The following KIF16B variants were observed in gnomAD, a reference collection of about 807,000 sequenced individuals.
KIF16B encodes kinesin family member 16B.
Under a neutral mutation model 156.3 loss-of-function variants are expected in KIF16B, and 98 were observed. The observed-to-expected ratio is 0.63, with a 90% CI of 0.53 to 0.74. KIF16B has a LOEUF of 0.74. KIF16B is among the 30% of genes least tolerant of loss of function. The pLI is 0.00. For synonymous variants in KIF16B, 564 were observed against 583.7 expected, an observed-to-expected ratio of 0.97 and a Z score of 0.49; for missense variants, 1,421 against 1,606.5, an observed-to-expected ratio of 0.88 and a Z score of 1.97.
At chr20:16,358,263 T>C (rs6043911) in intron 22 of KIF16B, among the ~76,000 whole-genome samples, 103,483 of 152,098 alleles carry the variant, frequency 0.68, 36,445 homozygotes, top group East Asian at 0.97. Context: ...GTGAGGGAGA[T>C]GATCTGAAAG....
At chr20:16,498,095 G>A (rs558538863) in intron 10 of KIF16B, among the ~76,000 whole-genome samples, 106 of 152,158 alleles carry the variant, frequency 7.0e-4, no homozygotes, top group African/African-American at 1.7e-3. Context: ...AAAATGAAAC[G>A]CATTTATTTT....
At chr20:16,442,348 G>GTGTGTGTGTA (rs753220723) in intron 12 of KIF16B, among the ~76,000 whole-genome samples, 5 of 149,664 alleles carry the variant, frequency 3.3e-5, no homozygotes, top group Admixed American at 1.3e-4. Context: ...GTGTGTGTGT[G>GTGTGTGTGTA]TATATATATA....
At chr20:16,280,458 C>A (rs2063127963) in intron 25 of KIF16B, among the ~76,000 whole-genome samples, 1 of 152,240 alleles carries the variant, frequency 6.6e-6, no homozygotes, top group Non-Finnish European at 1.5e-5. Flanking sequence ...GGGTGGGAAA[C>A]AGCAGGATGT....
At chr20:16,299,485 T>C (rs2063440614) in intron 25 of KIF16B, among the ~76,000 whole-genome samples, 1 of 152,202 alleles carries the variant, frequency 6.6e-6, no homozygotes, top group South Asian at 2.1e-4. Context: ...TTGGCTAGTA[T>C]AACAGAGTTG....
At chr20:16,535,735 G>GA (rs34353693) in intron 1 of KIF16B, among the ~76,000 whole-genome samples, 29,770 of 151,992 alleles carry the variant, frequency 0.2, 3,146 homozygotes, top group Non-Finnish European at 0.23. Context: ...ACAGATATAT[G>GA]AAAAAAATGC....
At chr20:16,521,993 G>A (rs569557717) in intron 3 of KIF16B, among the ~76,000 whole-genome samples, 176 of 152,196 alleles carry the variant, frequency 1.2e-3, no homozygotes, top group Non-Finnish European at 2.2e-3. Flanking sequence ...CCACCACCAG[G>A]CCTGCCTTAC....
chr20:16,565,744 C>T (rs926169688), intron 1 of KIF16B, among the ~76,000 whole-genome samples: 3 of 152,210 alleles, frequency 2.0e-5, no homozygotes, highest in Admixed American at 1.3e-4. Context: ...GAGTTCCCAC[C>T]AGCACCCCGA....
chr20:16,445,419 C>CGTGT (rs11467171), intron 12 of KIF16B, among the ~76,000 whole-genome samples: 2,806 of 146,790 alleles, frequency 0.019, 57 homozygotes, highest in African/African-American at 0.051. Context: ...CATGTATATA[C>CGTGT]GTGTGTGTGT....
chr20:16,281,883 C>T (rs2063151299), intron 25 of KIF16B, among the ~76,000 whole-genome samples: 1 of 152,112 alleles, frequency 6.6e-6, no homozygotes, highest in Admixed American at 6.5e-5. Flanking sequence ...AGATCCTTCT[C>T]ATCTTCCAAG....
rs7263142 is a variant in KIF16B at position 16,293,604 on chromosome 20, G to A, written c.3795+18731C>T. 3.6e-3 allele frequency among the ~76,000 whole-genome samples: 548 copies of A among 152,224 alleles called. 4 individuals are homozygous for A. Among genetic ancestry groups the A allele is most frequent in the Middle Eastern group, 0.024 (7 of 294 alleles). On this transcript the variant is annotated intron_variant, in intron 25 of 25. Transcript: ENST00000354981. ...GAAGACATGGGTACAGGAAGCAGGC[G>A]AAACAATTCAAGGGAGAGCCAAGGA... is the stretch of plus-strand genomic sequence containing the variant.
intron 12 of KIF16B, among the ~76,000 whole-genome samples, chr20:16,437,073 C>G (rs2066659812): frequency 6.6e-6 from 1 of 152,170 alleles, no homozygotes; most frequent in South Asian, 2.1e-4. Flanking sequence ...GATTACTTAT[C>G]ATACCAAATA....
chr20:16,500,884 ATCT>A (rs1315958146), intron 10 of KIF16B, among the ~76,000 whole-genome samples: 1 of 152,000 alleles, frequency 6.6e-6, no homozygotes, highest in African/African-American at 2.4e-5. Flanking sequence ...CTTTCCCATC[ATCT>A]TCTTTGCTTC....
intron 12 of KIF16B, among the ~76,000 whole-genome samples, chr20:16,468,822 C>T (rs1052554823): frequency 2.0e-5 from 3 of 152,054 alleles, no homozygotes; most frequent in African/African-American, 7.2e-5. Context: ...TTAAATTCAA[C>T]AGTACTGTCA....
rs1568883057 is a variant in KIF16B, at chr20:16,359,226, T to C, written c.3499-2774A>G. Reference sequence around the variant, plus strand: ...GTTGTAATAATCTTGGTGTTGGAGGTAGGCCCCGTGGGAGGTGTTTGGGTC... The same window carrying C: ...GTTGTAATAATCTTGGTGTTGGAGGCAGGCCCCGTGGGAGGTGTTTGGGTC... On this transcript the variant is annotated intron_variant, in intron 22 of 25. Transcript: ENST00000354981. Among the ~76,000 whole-genome samples, 7 of 152,224 alleles carry C rather than the reference T, an allele frequency of 4.6e-5. No individual in the cohort carries two copies. The South Asian group carries it at 1.0e-3, about 23-fold the overall frequency.
intron 12 of KIF16B, among the ~76,000 whole-genome samples, chr20:16,461,301 A>G (rs533030811): frequency 5.3e-5 from 8 of 152,150 alleles, no homozygotes; most frequent in Non-Finnish European, 8.8e-5. Context: ...TAATATTTCA[A>G]CCTTGTTTCT....
chr20:16,302,175 T>C (rs569108087), intron 25 of KIF16B, among the ~76,000 whole-genome samples: 1 of 152,332 alleles, frequency 6.6e-6, no homozygotes, highest in African/African-American at 2.4e-5. Flanking sequence ...TCACTGGTGT[T>C]GTATCTAAAA....
At chr20:16,483,284 T>A (rs985752934) in intron 12 of KIF16B, among the ~76,000 whole-genome samples, 2 of 152,198 alleles carry the variant, frequency 1.3e-5, no homozygotes, top group Non-Finnish European at 2.9e-5. Flanking sequence ...ATCACTCTTC[T>A]GTGAGCTAAT....
At chr20:16,446,475 C>A (rs1015605217) in intron 12 of KIF16B, among the ~76,000 whole-genome samples, 15 of 152,164 alleles carry the variant, frequency 9.9e-5, no homozygotes, top group Non-Finnish European at 1.5e-4. Flanking sequence ...CATCTTGATT[C>A]CATTAACTCT....
At chr20:16,551,843 T>C (rs1342812861) in intron 1 of KIF16B, among the ~76,000 whole-genome samples, 1 of 151,996 alleles carries the variant, frequency 6.6e-6, no homozygotes, top group Non-Finnish European at 1.5e-5. Flanking sequence ...CAGGCCCCCC[T>C]CCCACGACAG....
Sources: allele counts gnomAD v4.1 joint callset (sites outside exome capture counted in the v4.1 genomes callset), GRCh38; gene constraint gnomAD v4.1.1; transcripts MANE v1.5; gene names NCBI Gene and HGNC (gene_info 2026-07-23, HGNC 2026-07-21).